REN: variants seen among roughly 807,000 people sequenced by gnomAD.
REN encodes renin.
A neutral mutation model predicts 48.6 loss-of-function variants in REN; 42 were observed. The observed-to-expected ratio is 0.86, with a 90% CI of 0.68 to 1.12. The LOEUF (loss-of-function observed/expected upper bound fraction) is 1.12, where lower values mean the gene tolerates loss of function less well. REN is among the 50% of genes most tolerant of loss of function. The probability of loss-of-function intolerance (pLI) is 0.00; values close to 1 mark genes in which losing one functional copy is unlikely to be tolerated. For synonymous variants in REN, 196 were observed against 204.6 expected, an observed-to-expected ratio of 0.96 and a Z score of 0.36; for missense variants, 443 against 527.3, an observed-to-expected ratio of 0.84 and a Z score of 1.57.
At chr1:204,157,417 C>G in intron 5 of REN, 48 bp from the exon 6 acceptor site, 1 of 1,613,922 alleles carries the variant, frequency 6.2e-7, no homozygotes, top group African/African-American at 1.3e-5. Flanking sequence ...TTCATGCCAG[C>G]CTCATCAGCC....
chr1:204,155,715 G>A, intron 9 of REN, 105 bp downstream of exon 9: 1 of 932,544 alleles, frequency 1.1e-6, no homozygotes, highest in Non-Finnish European at 1.7e-6. Context: ...AGCCAAGTTT[G>A]AGAACTACAG....
Position 204,160,554 on chromosome 1 carries a change from A to G in REN, c.492+6T>C, listed in dbSNP as rs1422151114. The stretch of plus-strand genomic sequence containing the variant: ...GGGGCAGATGACCTAGGGCGGCCCA[A>G]CTTACGGTGATGATGTCCTGGCTGA... On this transcript the variant is annotated splice_donor_region_variant and intron_variant, in intron 4 of 9. Transcript: ENST00000272190. 4 of 1,607,544 alleles carry G rather than the reference A, an allele frequency of 2.5e-6. No homozygotes were observed. Among genetic ancestry groups the G allele is most frequent in the South Asian group, 1.1e-5 (1 of 90,964 alleles).
Position 204,156,912 on chromosome 1 carries a change from G to A in REN, c.699-116C>T. 7.5e-7 allele frequency: 1 copy of A among 1,332,330 alleles called. No individual in the cohort carries two copies. Among genetic ancestry groups the A allele is most frequent in the Non-Finnish European group, 1.1e-6 (1 of 938,528 alleles). The allele number at this position is 1,332,330 out of a possible 1,614,324, so 82.5% of individuals were successfully genotyped here. ...GAGGACAGAGGGCTCTAGAGCAGAG[G>A]AATGTGGGACAGACAGCCAGGCTCG... On this transcript the variant is annotated intron_variant, in intron 6 of 9. Coordinates refer to ENST00000272190, the MANE Select transcript of REN (RefSeq NM_000537.4). This position sits in a 1 kb window ranked among gnomAD's most constrained non-coding sequence, Gnocchi z 4.2.
At chr1:204,161,437 G>T in intron 2 of REN, 22 bp from the exon 3 acceptor site, 2 of 1,498,166 alleles carry the variant, frequency 1.3e-6, no homozygotes, top group Middle Eastern at 1.8e-4. Flanking sequence ...AAAAGAGAGG[G>T]CTGGAGGGGC....
At chr1:204,155,532 T>A (rs1658132618) in intron 9 of REN, among the ~76,000 whole-genome samples, 1 of 152,152 alleles carries the variant, frequency 6.6e-6, no homozygotes, top group Admixed American at 6.5e-5. Flanking sequence ...TGGGAGTATT[T>A]GATGAGAAAA....
At chr1:204,160,107 C>T (rs1052324993) in intron 4 of REN, among the ~76,000 whole-genome samples, 13 of 152,178 alleles carry the variant, frequency 8.5e-5, no homozygotes, top group Admixed American at 2.0e-4. Context: ...GATGAGGAAA[C>T]GGTCAGACAT....
At chr1:204,165,517 A>G (rs1043591353) in intron 1 of REN, among the ~76,000 whole-genome samples, 1 of 152,168 alleles carries the variant, frequency 6.6e-6, no homozygotes, top group Non-Finnish European at 1.5e-5. Context: ...AAGGCAATCT[A>G]ACTCTATAAG....
intron 1 of REN, among the ~76,000 whole-genome samples, chr1:204,163,300 T>G (rs1055925045): frequency 1.3e-5 from 2 of 152,348 alleles, no homozygotes; most frequent in South Asian, 4.1e-4. Context: ...ATTTTGCCCA[T>G]GAACATGAAT....
At position 204,156,101 on chromosome 1, in the gene REN, T is replaced by C; in HGVS notation, c.960+77A>G. The C allele has an allele frequency of 6.2e-7, 1 of 1,604,798 alleles. No individual in the cohort carries two copies. The highest frequency in any genetic ancestry group is 8.5e-7 in the Non-Finnish European group (1 of 1,172,766). ...CAAGCGAAGGCCTGAGATGGCCTCA[T>C]TTGCCTGGGGGATTTGTGAGCCGAT... is the stretch of plus-strand genomic sequence containing the variant. On this transcript the variant is annotated intron_variant, in intron 8 of 9. Coordinates refer to ENST00000272190, the MANE Select transcript of REN (RefSeq NM_000537.4). This position sits in a 1 kb window ranked among gnomAD's most constrained non-coding sequence, Gnocchi z 4.2.
intron 4 of REN, 65 bp downstream of exon 4, chr1:204,160,494 GA>G: frequency 1.9e-6 from 2 of 1,071,332 alleles, no homozygotes; most frequent in Non-Finnish European, 2.9e-6. Flanking sequence ...GTGGGCCCTG[GA>G]GGGTCAGGAG....
chr1:204,155,953 T>G, intron 8 of REN, 35 bp from the exon 9 acceptor site: 1 of 1,568,178 alleles, frequency 6.4e-7, no homozygotes, highest in Non-Finnish European at 8.8e-7. Flanking sequence ...TTCTTGAGTA[T>G]GGAAGACGTC....
Position 204,162,645 on chromosome 1 carries a change from C to T in REN, c.99-482G>A, listed in dbSNP as rs569939710. Among the ~76,000 whole-genome samples, 11 of 152,236 alleles carry T rather than the reference C, an allele frequency of 7.2e-5. No homozygotes were observed. In the South Asian group the frequency reaches 2.3e-3, roughly 32 times the overall value. On this transcript the variant is annotated intron_variant, in intron 1 of 9. Transcript: ENST00000272190. Reference sequence around the variant, plus strand: ...TGCCCCTGTCAAAACTAGGGGCTGGCGGGGAGACAGTGCCATGGGAGGCCG... The same window carrying T: ...TGCCCCTGTCAAAACTAGGGGCTGGTGGGGAGACAGTGCCATGGGAGGCCG...
chr1:204,156,381 T>G lies in REN; in HGVS notation c.819-62A>C, dbSNP rs11571088. ...ACAGACAGAAGGCTGATGGGGCACC[T>G]CCAGGCTGCATGTCCTTCCTGAGTG... On this transcript the variant is annotated intron_variant, in intron 7 of 9. Transcript: ENST00000272190. The surrounding 1 kb of genome is among the most constrained non-coding windows in gnomAD (Gnocchi z 4.2). 0.097 allele frequency: 122,302 copies of G among 1,265,762 alleles called. 4,920 individuals are homozygous for G. Among genetic ancestry groups the G allele is most frequent in the Middle Eastern group, 0.15 (690 of 4,538 alleles). The allele number at this position is 1,265,762 out of a possible 1,614,324, so 78.4% of individuals were successfully genotyped here. A position where few individuals can be genotyped will look rare whatever the true frequency, so the allele number is the denominator to read the frequency against.
chr1:204,159,747 ACTCTGTGCCAATACACATCT>A (rs1184424668), intron 4 of REN, 152 bp from the exon 5 acceptor site: 1 of 696,604 alleles, frequency 1.4e-6, no homozygotes, highest in Non-Finnish European at 2.6e-6. Context: ...GCACGCACAC[ACTCTGTGCCAATACACATCT>A]CTGCTGCGGA....
intron 1 of REN, 74 bp downstream of exon 1, chr1:204,166,122 G>T: frequency 7.9e-7 from 1 of 1,260,868 alleles, no homozygotes; most frequent in Non-Finnish European, 1.2e-6. Context: ...CACCGCATGT[G>T]GAAAAGCCAG....
chr1:204,157,263 G>T, intron 6 of REN, 98 bp downstream of exon 6: 2 of 1,506,066 alleles, frequency 1.3e-6, no homozygotes, highest in Admixed American at 1.7e-5. Context: ...GGCTGGGCTT[G>T]CTGATGTGAG....
At chr1:204,159,350 T>TTCTCCTG (rs779074241) in intron 5 of REN, 49 bp downstream of exon 5, 1 of 1,554,392 alleles carries the variant, frequency 6.4e-7, no homozygotes, top group South Asian at 1.1e-5. Context: ...TCCCCATCTC[T>TTCTCCTG]TCTCCCCTCC....
rs745558498 is a variant in REN, at chr1:204,155,124, G to A, written c.1113C>T (p.Ile371=). 1 of 1,614,242 alleles carries A rather than the reference G, an allele frequency of 6.2e-7. No individual in the cohort carries two copies. The highest frequency in any genetic ancestry group is 8.5e-7 in the Non-Finnish European group (1 of 1,180,032). The change falls in exon 10 of 10, where the codon ATC becomes ATT. Residue 371 remains isoleucine, a synonymous_variant. Coordinates refer to ENST00000272190, the MANE Select transcript of REN (RefSeq NM_000537.4). ...LCTLAIHAMD[I]PPPTGPTWAL... is the part of the protein sequence containing the mutation. ...CCCAGGTGGGTCCAGTGGGTGGCGG[G>A]ATATCCATGGCGTGGATGGCCAGTG...
chr1:204,154,832 T>C lies in REN; in HGVS notation c.*184A>G. 1 of 678,316 alleles carries C rather than the reference T, an allele frequency of 1.5e-6. No individual in the cohort carries two copies. Among genetic ancestry groups the C allele is most frequent in the African/African-American group, 1.8e-5 (1 of 56,242 alleles). The allele number at this position is 678,316 out of a possible 1,614,324, so 42.0% of individuals were successfully genotyped here. A position where few individuals can be genotyped will look rare whatever the true frequency, so the allele number is the denominator to read the frequency against. On this transcript the variant is annotated 3_prime_UTR_variant, in exon 10 of 10. Transcript: ENST00000272190. ...GATGCAACAGGCTGTGAACATGAAG[T>C]CTTTATTCTCTTTGTCCTCAAAGCA...
Sources: allele counts gnomAD v4.1 joint callset (sites outside exome capture counted in the v4.1 genomes callset), GRCh38; gene constraint gnomAD v4.1.1; non-coding constraint Gnocchi (gnomAD v3.1); transcripts MANE v1.5; gene names NCBI Gene and HGNC (gene_info 2026-07-23, HGNC 2026-07-21).